Variants in DRC8 observed in about 807,000 individuals in gnomAD.
DRC8 encodes dynein regulatory complex subunit 8.
At chr1:245,010,744 C>T in the DRC8 span, among the ~76,000 whole-genome samples, 8 of 140,912 alleles carry the variant, frequency 5.7e-5, no homozygotes, top group South Asian at 2.2e-4. Flanking sequence ...TGCAGTGGTG[C>T]GATCTCGGCT....
At chr1:245,009,916 A>G in the DRC8 span, among the ~76,000 whole-genome samples, 1 of 152,174 alleles carries the variant, frequency 6.6e-6, no homozygotes, top group Admixed American at 6.5e-5. Flanking sequence ...GTGCAGTGGC[A>G]CAATCTTGGC....
the DRC8 span, among the ~76,000 whole-genome samples, chr1:245,109,019 G>C: frequency 3.5e-4 from 53 of 152,288 alleles, 1 homozygote; most frequent in South Asian, 8.7e-3. Context: ...TGTGAGTAGG[G>C]AAGGAAGACA....
the DRC8 span, among the ~76,000 whole-genome samples, chr1:244,972,498 C>G: frequency 1.3e-5 from 2 of 152,194 alleles, no homozygotes; most frequent in Non-Finnish European, 2.9e-5. Flanking sequence ...TTCATTTTAA[C>G]ATGTTTGTAG....
the DRC8 span, chr1:244,970,177 G>A: frequency 1.4e-6 from 1 of 706,078 alleles, no homozygotes; most frequent in Non-Finnish European, 2.6e-6. Context: ...GGACAAGGCC[G>A]GGGGCCGGGT....
At chr1:245,014,492 G>T in the DRC8 span, among the ~76,000 whole-genome samples, 193 of 152,102 alleles carry the variant, frequency 1.3e-3, no homozygotes, top group African/African-American at 4.4e-3. Context: ...TTATAATAAA[G>T]AAAAAATAAT....
At chr1:245,058,345 G>C in the DRC8 span, among the ~76,000 whole-genome samples, 1 of 152,148 alleles carries the variant, frequency 6.6e-6, no homozygotes, top group Admixed American at 6.5e-5. Flanking sequence ...TACATGTTTT[G>C]TTGGCCCTTC....
At chr1:245,106,175 G>A in the DRC8 span, among the ~76,000 whole-genome samples, 1 of 152,218 alleles carries the variant, frequency 6.6e-6, no homozygotes, top group Non-Finnish European at 1.5e-5. Flanking sequence ...TTTGGCTTGT[G>A]TGCTAGCCAA....
the DRC8 span, among the ~76,000 whole-genome samples, chr1:245,097,726 GA>G: frequency 6.6e-6 from 1 of 152,114 alleles, no homozygotes; most frequent in South Asian, 2.1e-4. The surrounding 1 kb of genome is among the most constrained non-coding windows in gnomAD (Gnocchi z 5.0). Context: ...GTCCTATCTA[GA>G]ATGACATGGA....
chr1:244,992,270 A>T, the DRC8 span, among the ~76,000 whole-genome samples: 1 of 152,240 alleles, frequency 6.6e-6, no homozygotes, highest in Non-Finnish European at 1.5e-5. Context: ...GCAGTGGAAC[A>T]CAGTTAAGTG....
the DRC8 span, among the ~76,000 whole-genome samples, chr1:245,043,459 A>G: frequency 6.6e-6 from 1 of 152,020 alleles, no homozygotes; most frequent in East Asian, 1.9e-4. Flanking sequence ...GAAAGAAAGA[A>G]AAAGAAATCA....
chr1:245,026,630 C>G, the DRC8 span, among the ~76,000 whole-genome samples: 16 of 152,118 alleles, frequency 1.1e-4, no homozygotes, highest in African/African-American at 3.6e-4. Flanking sequence ...GGTCCACACA[C>G]CCCTCAATAA....
the DRC8 span, among the ~76,000 whole-genome samples, chr1:245,006,925 CTCTGTCTCAAAAACA>C: frequency 7.3e-5 from 11 of 151,722 alleles, no homozygotes; most frequent in Admixed American, 7.3e-4. Context: ...CAGAGCAAGA[CTCTGTCTCAAAAACA>C]AACAAACAAC....
chr1:245,099,072 C>T, the DRC8 span, among the ~76,000 whole-genome samples: 5 of 152,204 alleles, frequency 3.3e-5, no homozygotes, highest in Non-Finnish European at 5.9e-5. Flanking sequence ...CAGTCCCTTA[C>T]TGGCCAGTCA....
chr1:245,120,724 A>G, the DRC8 span, among the ~76,000 whole-genome samples: 1 of 152,246 alleles, frequency 6.6e-6, no homozygotes, highest in African/African-American at 2.4e-5. Flanking sequence ...TCCATTTTAG[A>G]TACAGAGACA....
the DRC8 span, chr1:245,123,050 T>G: frequency 6.6e-6 from 1 of 152,222 alleles, no homozygotes; most frequent in African/African-American, 2.4e-5. This position sits in a 1 kb window ranked among gnomAD's most constrained non-coding sequence, Gnocchi z 5.0. Context: ...GGTTCATCCA[T>G]GTTGTAATGT....
chr1:245,112,798 G>T, the DRC8 span, among the ~76,000 whole-genome samples: 1 of 150,344 alleles, frequency 6.7e-6, no homozygotes, highest in South Asian at 2.1e-4. Context: ...CTGTCACCCA[G>T]GCTGGAGTGC....
chr1:244,992,159 CT>C, the DRC8 span, among the ~76,000 whole-genome samples: 6 of 152,180 alleles, frequency 3.9e-5, no homozygotes, highest in Non-Finnish European at 8.8e-5. Flanking sequence ...TTTGAAAAAG[CT>C]GTTTACAGTA....
the DRC8 span, among the ~76,000 whole-genome samples, chr1:245,112,280 G>A: frequency 6.6e-6 from 1 of 152,170 alleles, no homozygotes; most frequent in Non-Finnish European, 1.5e-5. Context: ...CTCCATGTTG[G>A]TCAGGCTGGT....
At chr1:244,974,505 G>T in the DRC8 span, among the ~76,000 whole-genome samples, 3 of 152,154 alleles carry the variant, frequency 2.0e-5, no homozygotes, top group Non-Finnish European at 4.4e-5. Flanking sequence ...CTCCTAAATG[G>T]AAGAGGTTTT....
Sources: gnomAD v4.1 joint callset for allele counts (sites outside exome capture counted in the v4.1 genomes callset) on GRCh38, gnomAD v4.1.1 for gene constraint, Gnocchi (gnomAD v3.1) non-coding constraint, MANE v1.5 for transcripts, NCBI Gene and HGNC (gene_info 2026-07-23, HGNC 2026-07-21) for gene names.